The following CNTN4 variants were observed in gnomAD, a reference collection of about 807,000 sequenced individuals.
The protein encoded by CNTN4 is contactin 4.
Under a neutral mutation model 122.5 loss-of-function variants are expected in CNTN4, and 77 were observed. That is an observed-to-expected ratio of 0.63 (90% CI 0.52 to 0.76). The LOEUF (loss-of-function observed/expected upper bound fraction) is 0.76. CNTN4 is among the 30% of genes least tolerant of loss of function. The pLI is 0.00. For synonymous variants in CNTN4, 512 were observed against 447.0 expected, an observed-to-expected ratio of 1.15 and a Z score of -1.83; for missense variants, 1,256 against 1,259.1, an observed-to-expected ratio of 1.00 and a Z score of 0.04.
intron 4 of CNTN4, among the ~76,000 whole-genome samples, chr3:2,626,496 C>CA (rs35668647): frequency 0.52 from 75,168 of 143,508 alleles, 20,137 homozygotes; most frequent in East Asian, 0.81. Context: ...GACTCTATCT[C>CA]AAAAAAAAAA....
intron 6 of CNTN4, among the ~76,000 whole-genome samples, chr3:2,796,790 A>G (rs1053285287): frequency 9.2e-5 from 14 of 152,200 alleles, no homozygotes; most frequent in African/African-American, 1.7e-4. Context: ...GTTTGCATTT[A>G]TTTTTAGCTT....
At chr3:3,039,226 A>T (rs1246261311) in intron 19 of CNTN4, 5 of 532,662 alleles carry the variant, frequency 9.4e-6, no homozygotes, top group Non-Finnish European at 1.7e-5. Flanking sequence ...CAGTAAAAAC[A>T]ATTATGAAGG....
At chr3:2,309,889 A>G (rs917944619) in intron 2 of CNTN4, among the ~76,000 whole-genome samples, 2 of 152,158 alleles carry the variant, frequency 1.3e-5, no homozygotes, top group African/African-American at 2.4e-5. Context: ...TTGCTTTCAT[A>G]TATGTTGTTT....
chr3:2,981,498 C>CTAAA (rs146476116), intron 13 of CNTN4, among the ~76,000 whole-genome samples: 2,468 of 151,938 alleles, frequency 0.016, 66 homozygotes, highest in African/African-American at 0.056. Context: ...CACTATCTGC[C>CTAAA]TAAATAATTT....
chr3:2,282,355 T>TTATATTTATGTATAA lies in CNTN4; in HGVS notation c.-144-56823_-144-56822insTATATTTATGTATAA, dbSNP rs1208399643. On this transcript the variant is annotated intron_variant, in intron 2 of 24. Coordinates refer to ENST00000418658, the MANE Select transcript of CNTN4 (RefSeq NM_175607.3). ...AAAATAAGCATATATAAATGACCTT[T>TTATATTTATGTATAA]AATGTATACAGCATGCATTTTTTCA... is the stretch of plus-strand genomic sequence containing the variant. 2.8e-4 allele frequency among the ~76,000 whole-genome samples: 43 copies of TTATATTTATGTATAA among 152,304 alleles called. 1 individual carries two copies. The South Asian group carries it at 8.3e-3, about 29-fold the overall frequency.
intron 2 of CNTN4, among the ~76,000 whole-genome samples, chr3:2,114,311 A>G (rs924488771): frequency 6.6e-6 from 1 of 151,746 alleles, no homozygotes; most frequent in Non-Finnish European, 1.5e-5. Flanking sequence ...AAATACAAAA[A>G]CTAGCTGGCG....
intron 14 of CNTN4, among the ~76,000 whole-genome samples, chr3:3,009,677 C>T: frequency 6.6e-6 from 1 of 152,140 alleles, no homozygotes; most frequent in East Asian, 1.9e-4. Flanking sequence ...TCGTGATCTG[C>T]CCTCCTCGGC....
At chr3:2,224,745 T>A (rs1206572695) in intron 2 of CNTN4, among the ~76,000 whole-genome samples, 2 of 152,234 alleles carry the variant, frequency 1.3e-5, no homozygotes, top group African/African-American at 4.8e-5. Context: ...AAGTACATCC[T>A]GTCAGCTCAA....
chr3:2,998,801 G>A (rs1446875859), intron 14 of CNTN4, among the ~76,000 whole-genome samples: 1 of 152,140 alleles, frequency 6.6e-6, no homozygotes, highest in African/African-American at 2.4e-5. Flanking sequence ...GTGGAAAATA[G>A]GCAAATACTT....
intron 4 of CNTN4, among the ~76,000 whole-genome samples, chr3:2,674,278 TA>T (rs2084707067): frequency 6.6e-6 from 1 of 152,018 alleles, no homozygotes; most frequent in African/African-American, 2.4e-5. Flanking sequence ...TTTTTTTTTA[TA>T]TTTTTTAATT....
chr3:2,672,437 T>A (rs866901673), intron 4 of CNTN4, among the ~76,000 whole-genome samples: 28 of 152,192 alleles, frequency 1.8e-4, no homozygotes, highest in South Asian at 6.2e-4. Flanking sequence ...AATCTCCTGG[T>A]TTGCTGTTTT....
chr3:2,171,857 T>C (rs781420875), intron 2 of CNTN4, among the ~76,000 whole-genome samples: 2 of 152,238 alleles, frequency 1.3e-5, no homozygotes, highest in Non-Finnish European at 2.9e-5. Context: ...TGTTGGGTTC[T>C]AGTCTAGACT....
intron 7 of CNTN4, among the ~76,000 whole-genome samples, chr3:2,864,301 C>G (rs2093700258): frequency 6.6e-6 from 1 of 152,012 alleles, no homozygotes; most frequent in Non-Finnish European, 1.5e-5. Flanking sequence ...GTTGTTGTTC[C>G]TCTCCAATTA....
chr3:2,179,980 A>G (rs1045889610), intron 2 of CNTN4, among the ~76,000 whole-genome samples: 1 of 151,788 alleles, frequency 6.6e-6, no homozygotes, highest in Admixed American at 6.6e-5. Context: ...TCTAGTGTAG[A>G]TTTTACTTAT....
intron 2 of CNTN4, among the ~76,000 whole-genome samples, chr3:2,256,741 A>G (rs1026146764): frequency 5.9e-5 from 9 of 152,190 alleles, no homozygotes; most frequent in Non-Finnish European, 1.2e-4. Flanking sequence ...AGGGATGTGA[A>G]GGACCTCTTC....
intron 3 of CNTN4, among the ~76,000 whole-genome samples, chr3:2,422,405 A>G (rs1471677166): frequency 6.6e-6 from 1 of 152,178 alleles, no homozygotes; most frequent in East Asian, 1.9e-4. Context: ...AACTCCAAAC[A>G]GATGTTGTCA....
At chr3:2,826,823 T>C (rs1235595319) in intron 7 of CNTN4, among the ~76,000 whole-genome samples, 2 of 152,182 alleles carry the variant, frequency 1.3e-5, no homozygotes, top group Admixed American at 6.5e-5. Flanking sequence ...TTGCCAACTC[T>C]GCCTAACTCC....
At chr3:3,055,997 A>C in intron 24 of CNTN4, 123 bp from the exon 25 acceptor site, 1 of 681,544 alleles carries the variant, frequency 1.5e-6, no homozygotes, top group Non-Finnish European at 2.6e-6. Context: ...AAAGCCATTA[A>C]GACCTTGATC....
At chr3:2,129,167 A>G (rs2034324338) in intron 2 of CNTN4, among the ~76,000 whole-genome samples, 1 of 150,532 alleles carries the variant, frequency 6.6e-6, no homozygotes, top group South Asian at 2.1e-4. Context: ...CCTGAGCTTT[A>G]ACATTTTTCA....
Sources: gnomAD v4.1 joint callset for allele counts (sites outside exome capture counted in the v4.1 genomes callset) on GRCh38, gnomAD v4.1.1 for gene constraint, MANE v1.5 for transcripts, NCBI Gene and HGNC (gene_info 2026-07-23, HGNC 2026-07-21) for gene names.